LARP1B: variants seen among roughly 807,000 people sequenced by gnomAD.
LARP1B encodes the protein La ribonucleoprotein 1B.
A neutral mutation model predicts 114.2 loss-of-function variants in LARP1B; 76 were observed. That is an observed-to-expected ratio of 0.67 (90% CI 0.55 to 0.81). The LOEUF (loss-of-function observed/expected upper bound fraction) is 0.81, where lower values mean the gene tolerates loss of function less well. Among genes scored for constraint, LARP1B ranks in the 30% least tolerant of loss-of-function variants. The pLI is 0.00. For synonymous variants in LARP1B, 345 were observed against 348.0 expected, an observed-to-expected ratio of 0.99 and a Z score of 0.10; for missense variants, 1,014 against 1,075.8, an observed-to-expected ratio of 0.94 and a Z score of 0.80.
At chr4:128,193,482 T>G (rs935866158) in intron 15 of LARP1B, among the ~76,000 whole-genome samples, 3 of 152,172 alleles carry the variant, frequency 2.0e-5, no homozygotes, top group African/African-American at 7.2e-5. Context: ...CATCATAAAT[T>G]TTTTTGCCCT....
At chr4:128,142,944 G>C (rs1728693923) in intron 11 of LARP1B, among the ~76,000 whole-genome samples, 1 of 152,122 alleles carries the variant, frequency 6.6e-6, no homozygotes, top group Non-Finnish European at 1.5e-5. Flanking sequence ...CTTTAGAAAT[G>C]GTTTTGAACT....
intron 7 of LARP1B, among the ~76,000 whole-genome samples, chr4:128,095,992 A>T (rs1386243156): frequency 5.6e-5 from 7 of 125,368 alleles, no homozygotes; most frequent in South Asian, 2.5e-4. Context: ...GGAGGCTATA[A>T]TTTTTTTTTT....
chr4:128,061,941 GGCCCCTGGCGCT>G (rs1760266798), intron 1 of LARP1B: 1 of 985,106 alleles, frequency 1.0e-6, no homozygotes, highest in Admixed American at 6.2e-5. Context: ...GTCCCCGTGA[GGCCCCTGGCGCT>G]GCACCTGGCG....
chr4:128,122,873 C>T (rs1193219758), intron 11 of LARP1B: 5 of 1,011,608 alleles, frequency 4.9e-6, no homozygotes, highest in Non-Finnish European at 4.7e-6. Flanking sequence ...TATCTGCATT[C>T]CTTCAATATG....
At position 128,091,009 on chromosome 4, in the gene LARP1B, C is replaced by G; in HGVS notation, c.367C>G (p.Arg123Gly). The G allele has an allele frequency of 6.2e-7, 1 of 1,604,482 alleles. No homozygotes were observed. The highest frequency in any genetic ancestry group is 1.7e-4 in the Middle Eastern group (1 of 6,028). The part of the protein sequence containing the change: ...NRRNDTRSWK[R>G]DREKRDDQDD... Reference sequence around the variant, plus strand: ...ATTTTTATTTTTAAAAGGTTGGAAGCGAGATAGAGAAAAAAGGGATGATCA... The same window carrying G: ...ATTTTTATTTTTAAAAGGTTGGAAGGGAGATAGAGAAAAAAGGGATGATCA... Residue 123 changes from arginine to glycine, a missense_variant, in exon 6 of 20, where the codon CGA becomes GGA. Physicochemically the swap from Arg to Gly is moderately radical, Grantham distance 125. Transcript: ENST00000326639.
intron 9 of LARP1B, among the ~76,000 whole-genome samples, chr4:128,110,403 T>G (rs1381847741): frequency 6.6e-6 from 1 of 151,274 alleles, no homozygotes; most frequent in Non-Finnish European, 1.5e-5. Context: ...TAGTTTGAAG[T>G]CTTTTCATTA....
chr4:128,220,471 A>G (rs1204479161), intron 7 of LARP1B: 1 of 293,704 alleles, frequency 3.4e-6, no homozygotes, highest in African/African-American at 2.3e-5. Flanking sequence ...GAGACCTCTT[A>G]CTCCATCTTG....
intron 9 of LARP1B, chr4:128,108,321 G>C (rs1479424083): frequency 2.0e-6 from 2 of 1,009,814 alleles, no homozygotes; most frequent in African/African-American, 3.4e-5. Flanking sequence ...AGATTCTTAA[G>C]TACTTTGCTA....
chr4:128,085,626 C>T (rs1325987550), intron 5 of LARP1B, among the ~76,000 whole-genome samples: 1 of 152,136 alleles, frequency 6.6e-6, no homozygotes, highest in Non-Finnish European at 1.5e-5. Flanking sequence ...CCTCGGCCTC[C>T]CGAAGTGTTG....
Position 128,095,247 on chromosome 4 carries a change from G to A in LARP1B, c.669-2939G>A, listed in dbSNP as rs187715873. ...CTCACTCCTGTAATCCCAGCACTTT[G>A]AGAGGCTGAGGCAGGTGGATCATCT... On this transcript the variant is annotated intron_variant, in intron 7 of 19. Transcript: ENST00000326639. 2.0e-3 allele frequency among the ~76,000 whole-genome samples: 299 copies of A among 151,946 alleles called. 6 individuals are homozygous for A. Among genetic ancestry groups the A allele is most frequent in the Non-Finnish European group, 4.9e-4 (33 of 67,926 alleles).
At chr4:128,061,777 C>T (rs1423143842) in intron 1 of LARP1B, 2 of 984,872 alleles carry the variant, frequency 2.0e-6, no homozygotes, top group Non-Finnish European at 2.4e-6. Context: ...CGCTGTTGGC[C>T]GCGGCGAACC....
At chr4:128,155,823 A>G (rs1410612991) in intron 11 of LARP1B, 18 of 1,582,886 alleles carry the variant, frequency 1.1e-5, no homozygotes, top group African/African-American at 1.3e-5. Context: ...ATGAGAAATC[A>G]GGGCTGCAGC....
At chr4:128,221,674 A>C (rs540731720) in intron 7 of LARP1B, among the ~76,000 whole-genome samples, 1 of 152,314 alleles carries the variant, frequency 6.6e-6, no homozygotes, top group South Asian at 2.1e-4. Flanking sequence ...GTAATGCTTA[A>C]TGTTAACATT....
rs144119552 is a variant in LARP1B, at chr4:128,199,889, C to T, written c.2164+290C>T. 2.5e-3 allele frequency among the ~76,000 whole-genome samples: 375 copies of T among 152,248 alleles called. 4 individuals are homozygous for T. The East Asian group carries it at 0.027, about 11-fold the overall frequency. On this transcript the variant is annotated intron_variant, in intron 16 of 19. Coordinates refer to ENST00000326639, the MANE Select transcript of LARP1B (RefSeq NM_018078.4). ...TCACTTGAGGTCAGGAGTATGAGAC[C>T]AGCCTGGCCAACATAGTGAAACTCC... is the stretch of plus-strand genomic sequence containing the variant.
rs1232996745 is a variant in LARP1B, at chr4:128,089,030, G to A, written c.359-1971G>A. 3.3e-5 allele frequency among the ~76,000 whole-genome samples: 5 copies of A among 152,230 alleles called. No individual in the cohort carries two copies. In the East Asian group the frequency reaches 9.7e-4, roughly 29 times the overall value. Reference sequence around the variant, plus strand: ...ATTGAGGATGGAACTATGGGATCTAGGGTAATGTTCTCAGTGAGGGTGATT... The same window carrying A: ...ATTGAGGATGGAACTATGGGATCTAAGGTAATGTTCTCAGTGAGGGTGATT... On this transcript the variant is annotated intron_variant, in intron 5 of 19. Coordinates refer to ENST00000326639, the MANE Select transcript of LARP1B (RefSeq NM_018078.4).
intron 11 of LARP1B, among the ~76,000 whole-genome samples, chr4:128,157,852 G>C (rs1051716583): frequency 6.6e-6 from 1 of 152,100 alleles, no homozygotes; most frequent in African/African-American, 2.4e-5. Context: ...TTTATTTGCA[G>C]CAGATCTGCT....
intron 11 of LARP1B, among the ~76,000 whole-genome samples, chr4:128,131,584 G>A (rs1023887011): frequency 4.6e-5 from 7 of 152,116 alleles, no homozygotes; most frequent in Non-Finnish European, 7.4e-5. Context: ...CAGGTGTGGT[G>A]GTGTGTGTCT....
At chr4:128,144,621 C>T (rs908628754) in intron 11 of LARP1B, among the ~76,000 whole-genome samples, 8 of 151,894 alleles carry the variant, frequency 5.3e-5, no homozygotes, top group African/African-American at 1.5e-4. Flanking sequence ...AGGTGTGAGC[C>T]GCCATGCCTG....
rs756449145 is a variant in LARP1B, at chr4:128,200,582, C to G, written c.2226C>G (p.Ser742=). 1.0e-5 allele frequency: 16 copies of G among 1,594,402 alleles called. No homozygotes were observed. The highest frequency in any genetic ancestry group is 1.4e-5 in the Non-Finnish European group (16 of 1,170,786). Reference sequence around the variant, plus strand: ...TGAATACCCTCTTTCGTTTCTGGTCCTTTTTCCTCAGAGATCACTTCAATA... The same window carrying G: ...TGAATACCCTCTTTCGTTTCTGGTCGTTTTTCCTCAGAGATCACTTCAATA... The part of the protein sequence containing the change: ...QEMNTLFRFW[S]FFLRDHFNKK... The change falls in exon 17 of 20, where the codon TCC becomes TCG. Residue 742 remains serine (S), a synonymous_variant. Transcript: ENST00000326639.
Sources: allele counts gnomAD v4.1 joint callset (sites outside exome capture counted in the v4.1 genomes callset), GRCh38; gene constraint gnomAD v4.1.1; transcripts MANE v1.5; gene names NCBI Gene and HGNC (gene_info 2026-07-23, HGNC 2026-07-21).